Variants in CLSTN2 observed in about 807,000 individuals in gnomAD.
CLSTN2 encodes the protein calsyntenin 2.
A neutral mutation model predicts 101.2 loss-of-function variants in CLSTN2; 48 were observed. The ratio of observed to expected loss-of-function variants is 0.47; its 90% confidence interval spans 0.38 to 0.60. The LOEUF is 0.60. CLSTN2 is among the 20% of genes least tolerant of loss of function. The probability of loss-of-function intolerance (pLI) is 0.00; values close to 1 mark genes in which losing one functional copy is unlikely to be tolerated. For missense variants in CLSTN2, 1,160 were observed against 1,238.2 expected (o/e 0.94, Z 0.95); for synonymous variants, 481 against 463.6 (o/e 1.04, Z -0.48).
chr3:140,544,427 A>G (rs1355480582), intron 9 of CLSTN2, among the ~76,000 whole-genome samples: 1 of 152,142 alleles, frequency 6.6e-6, no homozygotes, highest in Non-Finnish European at 1.5e-5. Flanking sequence ...ACCCCACAAG[A>G]AGCTATAGCC....
intron 2 of CLSTN2, among the ~76,000 whole-genome samples, chr3:140,268,102 C>T (rs770932446): frequency 1.3e-5 from 2 of 152,102 alleles, no homozygotes; most frequent in African/African-American, 2.4e-5. Flanking sequence ...AAAGAGCTAT[C>T]GGGGTGAACC....
At chr3:140,505,874 A>ATTTG (rs1312043486) in intron 8 of CLSTN2, 1 of 152,128 alleles carries the variant, frequency 6.6e-6, no homozygotes, top group East Asian at 1.9e-4. Context: ...TCAGCAACCT[A>ATTTG]TTTGTTTAAT....
At chr3:140,451,822 G>A (rs377619033) in intron 6 of CLSTN2, among the ~76,000 whole-genome samples, 22 of 152,282 alleles carry the variant, frequency 1.4e-4, no homozygotes, top group African/African-American at 5.3e-4. Flanking sequence ...TCCCAACTGG[G>A]GAGCTGCCAT....
intron 2 of CLSTN2, among the ~76,000 whole-genome samples, chr3:140,371,543 T>G (rs558982099): frequency 7.9e-5 from 12 of 152,266 alleles, no homozygotes; most frequent in African/African-American, 2.6e-4. Flanking sequence ...GCCCTCCAGT[T>G]GGCCACCTGT....
chr3:140,151,738 C>G (rs574111058), intron 1 of CLSTN2, among the ~76,000 whole-genome samples: 23 of 152,140 alleles, frequency 1.5e-4, no homozygotes, highest in Non-Finnish European at 3.1e-4. Context: ...ATTGCTCTGT[C>G]TGATCTAAAG....
intron 4 of CLSTN2, among the ~76,000 whole-genome samples, chr3:140,415,484 AGC>A (rs2088418807): frequency 7.6e-6 from 1 of 132,098 alleles, no homozygotes; most frequent in South Asian, 3.0e-4. Context: ...AACACAAAAT[AGC>A]AAAAAAAAAA....
chr3:140,264,324 T>C (rs552059064), intron 2 of CLSTN2, among the ~76,000 whole-genome samples: 1 of 147,606 alleles, frequency 6.8e-6, no homozygotes, highest in Admixed American at 6.9e-5. Context: ...GTAAGCTTAG[T>C]TCAGGCATGA....
At chr3:140,087,183 C>A (rs1292453128) in intron 1 of CLSTN2, among the ~76,000 whole-genome samples, 2 of 151,994 alleles carry the variant, frequency 1.3e-5, no homozygotes, top group East Asian at 1.9e-4. Context: ...TGAGACCAAC[C>A]AGATTGTAGT....
chr3:140,264,105 G>A (rs2086675545), intron 2 of CLSTN2, among the ~76,000 whole-genome samples: 1 of 152,034 alleles, frequency 6.6e-6, no homozygotes, highest in South Asian at 2.1e-4. Context: ...CAAACGAGGT[G>A]ATGCTCTGGC....
intron 1 of CLSTN2, among the ~76,000 whole-genome samples, chr3:140,174,725 G>A (rs917380958): frequency 1.1e-4 from 16 of 152,196 alleles, no homozygotes; most frequent in African/African-American, 2.6e-4. Flanking sequence ...TCACAACCAC[G>A]AGAACAGTGT....
intron 1 of CLSTN2, among the ~76,000 whole-genome samples, chr3:139,948,843 C>G (rs891318591): frequency 6.6e-6 from 1 of 152,148 alleles, no homozygotes; most frequent in South Asian, 2.1e-4. Context: ...CTTAAAAGGC[C>G]CTTAGTTGGT....
chr3:140,165,592 G>T (rs1240026314), intron 1 of CLSTN2, among the ~76,000 whole-genome samples: 1 of 152,122 alleles, frequency 6.6e-6, no homozygotes, highest in African/African-American at 2.4e-5. Context: ...ATGAATAGGA[G>T]TGTAGGCACA....
In CLSTN2 at chr3:140,571,490, T is replaced by A. The variant is rs539669623; in HGVS notation, c.*5237T>A. On this transcript the variant is annotated 3_prime_UTR_variant, in exon 17 of 17. Coordinates refer to ENST00000458420, the MANE Select transcript of CLSTN2 (RefSeq NM_022131.3). The stretch of plus-strand genomic sequence containing the variant: ...TTTTAGGTAAGATAACGTTTAGGCC[T>A]CTGGGGGATCCCCAAAGCCTTCTGC... The A allele has an allele frequency of 6.6e-6, 1 of 152,276 alleles. No homozygotes were observed. The highest frequency in any genetic ancestry group is 1.5e-5 in the Non-Finnish European group (1 of 68,046). 9.4% of individuals were successfully genotyped at this position (152,276 alleles called of 1,614,324 possible). A position where few individuals can be genotyped will look rare whatever the true frequency, so the allele number is the denominator to read the frequency against.
At chr3:140,049,845 C>T (rs940007053) in intron 1 of CLSTN2, among the ~76,000 whole-genome samples, 3 of 152,184 alleles carry the variant, frequency 2.0e-5, no homozygotes, top group African/African-American at 7.2e-5. Flanking sequence ...TAATCAAAAG[C>T]ATGGAAGCTT....
At chr3:139,963,362 T>C (rs925802409) in intron 1 of CLSTN2, among the ~76,000 whole-genome samples, 1 of 152,166 alleles carries the variant, frequency 6.6e-6, no homozygotes, top group African/African-American at 2.4e-5. Flanking sequence ...TACTTTATAA[T>C]GATATGATCT....
chr3:140,359,200 T>C (rs1489572455), intron 2 of CLSTN2, among the ~76,000 whole-genome samples: 1 of 150,734 alleles, frequency 6.6e-6, no homozygotes, highest in Non-Finnish European at 1.5e-5. Flanking sequence ...TTCTTCAGAA[T>C]AGGGGCTGCA....
At chr3:140,153,515 C>G (rs1388259283) in intron 1 of CLSTN2, among the ~76,000 whole-genome samples, 3 of 152,238 alleles carry the variant, frequency 2.0e-5, no homozygotes, top group Non-Finnish European at 2.9e-5. Context: ...GCTGAAAGAG[C>G]TATGAAGCCT....
chr3:140,486,599 G>C (rs1934245687), intron 8 of CLSTN2, among the ~76,000 whole-genome samples: 1 of 152,162 alleles, frequency 6.6e-6, no homozygotes, highest in Non-Finnish European at 1.5e-5. Flanking sequence ...GCAGAGGGAG[G>C]AGTACTCCCA....
intron 1 of CLSTN2, among the ~76,000 whole-genome samples, chr3:140,074,238 T>G (rs947389292): frequency 6.6e-6 from 1 of 152,160 alleles, no homozygotes; most frequent in Non-Finnish European, 1.5e-5. Context: ...CATCAACTTT[T>G]GTCTTGATTC....
Sources: allele counts gnomAD v4.1 joint callset (sites outside exome capture counted in the v4.1 genomes callset), GRCh38; gene constraint gnomAD v4.1.1; transcripts MANE v1.5; gene names NCBI Gene and HGNC (gene_info 2026-07-23, HGNC 2026-07-21).